The following PLD5 variants were observed in gnomAD, a reference collection of about 807,000 sequenced individuals.
PLD5 encodes the protein inactive phospholipase D5.
A neutral mutation model predicts 61.1 loss-of-function variants in PLD5; 36 were observed. The ratio of observed to expected loss-of-function variants is 0.59; its 90% confidence interval spans 0.45 to 0.78. The LOEUF (loss-of-function observed/expected upper bound fraction) is 0.78. Among genes scored for constraint, PLD5 ranks in the 30% least tolerant of loss-of-function variants. PLD5 has a pLI of 0.00. For synonymous variants in PLD5, 243 were observed against 242.8 expected (o/e 1.00, Z -0.01); for missense variants, 515 against 644.4 (o/e 0.80, Z 2.17).
At chr1:242,346,823 C>T (rs1256671857) in intron 2 of PLD5, among the ~76,000 whole-genome samples, 1 of 152,172 alleles carries the variant, frequency 6.6e-6, no homozygotes, top group Non-Finnish European at 1.5e-5. Flanking sequence ...GACTCTCCAA[C>T]AGGCCCTAGG....
intron 9 of PLD5, among the ~76,000 whole-genome samples, chr1:242,097,583 T>A (rs1431640044): frequency 6.6e-6 from 1 of 152,228 alleles, no homozygotes; most frequent in Non-Finnish European, 1.5e-5. Context: ...CTTTGCCCAC[T>A]TGTTGATGGG....
chr1:242,395,566 A>G (rs989488864), intron 1 of PLD5, among the ~76,000 whole-genome samples: 1 of 152,222 alleles, frequency 6.6e-6, no homozygotes, highest in South Asian at 2.1e-4. Context: ...TGTACTAACT[A>G]TTGGAGATAT....
intron 5 of PLD5, among the ~76,000 whole-genome samples, chr1:242,184,005 G>A (rs1667710341): frequency 6.6e-6 from 1 of 152,194 alleles, no homozygotes; most frequent in Non-Finnish European, 1.5e-5. Flanking sequence ...CTTTGTAGCT[G>A]TTTGAAAAAA....
chr1:242,350,292 T>G (rs1660400497), intron 1 of PLD5, among the ~76,000 whole-genome samples: 1 of 152,102 alleles, frequency 6.6e-6, no homozygotes, highest in Non-Finnish European at 1.5e-5. Context: ...TTAGATAAAT[T>G]CTGGATGGAG....
At chr1:242,418,907 C>A (rs192610364) in intron 1 of PLD5, among the ~76,000 whole-genome samples, 237 of 152,286 alleles carry the variant, frequency 1.6e-3, no homozygotes, top group African/African-American at 5.3e-3. Context: ...GAATAGTAAT[C>A]TCCAAATAAA....
intron 5 of PLD5, among the ~76,000 whole-genome samples, chr1:242,165,022 A>G (rs1666197319): frequency 6.6e-6 from 1 of 152,128 alleles, no homozygotes; most frequent in Non-Finnish European, 1.5e-5. Context: ...GCTTTTCCCT[A>G]AGGTGGAATA....
intron 1 of PLD5, among the ~76,000 whole-genome samples, chr1:242,463,332 C>T (rs150300841): frequency 1.3e-5 from 2 of 152,350 alleles, no homozygotes; most frequent in East Asian, 1.9e-4. Flanking sequence ...GTCATCCAGC[C>T]TTCAATGCCT....
rs527306541 is a variant in PLD5, at chr1:242,123,269, A to C, written c.933+1199T>G. Reference sequence around the variant, plus strand: ...GTTGCTATGGCTTATTTCTGGTCCCAAAAACAGCATCAAACTTCTAAAGAC... The same window carrying C: ...GTTGCTATGGCTTATTTCTGGTCCCCAAAACAGCATCAAACTTCTAAAGAC... On this transcript the variant is annotated intron_variant, in intron 6 of 9. Coordinates refer to ENST00000536534, the MANE Select transcript of PLD5 (RefSeq NM_001372062.1). Among the ~76,000 whole-genome samples the C allele has an allele frequency of 3.3e-5, 5 of 152,322 alleles. No homozygotes were observed. The East Asian group carries it at 9.6e-4, about 29-fold the overall frequency.
At chr1:242,169,039 C>T (rs1168081467) in intron 5 of PLD5, among the ~76,000 whole-genome samples, 1 of 151,754 alleles carries the variant, frequency 6.6e-6, no homozygotes, top group Non-Finnish European at 1.5e-5. Context: ...TTAATTCCCC[C>T]ATAAACAATG....
At chr1:242,387,867 C>T (rs1050854234) in intron 1 of PLD5, among the ~76,000 whole-genome samples, 3 of 151,964 alleles carry the variant, frequency 2.0e-5, no homozygotes, top group Non-Finnish European at 2.9e-5. Context: ...GAAAACTAAG[C>T]ATTAAGACTG....
chr1:242,491,096 C>A (rs1424482146), intron 1 of PLD5, among the ~76,000 whole-genome samples: 2 of 152,156 alleles, frequency 1.3e-5, no homozygotes, highest in African/African-American at 4.8e-5. Context: ...ATTTCTAATT[C>A]CCACTGCTAA....
chr1:242,276,292 G>A lies in PLD5; in HGVS notation c.496-10844C>T, dbSNP rs1322574503. On this transcript the variant is annotated intron_variant, in intron 3 of 9. Transcript: ENST00000536534. ...TAAAGCTGAAGGTGAGCTTATGATT[G>A]TGCCACTGCTGCCCAGCCTGGGCAA... Among the ~76,000 whole-genome samples, 12 of 151,152 alleles carry A rather than the reference G, an allele frequency of 7.9e-5. No individual in the cohort carries two copies. The Admixed American group carries it at 7.9e-4, about 10-fold the overall frequency.
rs1297166716 is a variant in PLD5, at chr1:242,194,598, C to CTATG, written c.735+25389_735+25390insCATA. ...TCTATCTATCTATCTATCTATCTAT[C>CTATG]TATCTATGTATCTATCTATGTATCT... is the stretch of plus-strand genomic sequence containing the variant. On this transcript the variant is annotated intron_variant, in intron 5 of 9. Transcript: ENST00000536534. Among the ~76,000 whole-genome samples, 660 of 77,594 alleles carry CTATG rather than the reference C, an allele frequency of 8.5e-3. 2 individuals are homozygous for CTATG. The highest frequency in any genetic ancestry group is 0.015 in the Admixed American group (80 of 5,214). 50.9% of individuals were successfully genotyped at this position (77,594 alleles called of 152,430 possible).
chr1:242,366,724 AGT>A (rs2149242468), intron 1 of PLD5, among the ~76,000 whole-genome samples: 1 of 152,256 alleles, frequency 6.6e-6, no homozygotes, highest in African/African-American at 2.4e-5. Context: ...TTCTCCCTTT[AGT>A]CTCTTTCACT....
intron 1 of PLD5, among the ~76,000 whole-genome samples, chr1:242,520,766 C>G (rs1669255465): frequency 6.6e-6 from 1 of 152,202 alleles, no homozygotes; most frequent in African/African-American, 2.4e-5. Flanking sequence ...GGGATAGTCA[C>G]ATCTTATTAA....
At chr1:242,521,201 A>C (rs1669269028) in intron 1 of PLD5, among the ~76,000 whole-genome samples, 1 of 152,176 alleles carries the variant, frequency 6.6e-6, no homozygotes, top group East Asian at 1.9e-4. Flanking sequence ...TTTCTTAGTA[A>C]GTGTTCATCT....
chr1:242,149,393 T>C (rs1664763885), intron 5 of PLD5, among the ~76,000 whole-genome samples: 1 of 151,850 alleles, frequency 6.6e-6, no homozygotes, highest in African/African-American at 2.4e-5. Flanking sequence ...TAGTATGTTA[T>C]TGAGAACTTC....
At position 242,105,864 on chromosome 1, in the gene PLD5, G is replaced by A. The variant is rs566527485; in HGVS notation, c.1239+1807C>T. 1.8e-4 allele frequency among the ~76,000 whole-genome samples: 27 copies of A among 152,260 alleles called. No individual in the cohort carries two copies. In the South Asian group the frequency reaches 3.7e-3, roughly 21 times the overall value. ...CTAGAAAGCATAATTCATCAAGTTA[G>A]GGAATTATGTACAACAAGAAACTCT... On this transcript the variant is annotated intron_variant, in intron 8 of 9. Coordinates refer to ENST00000536534, the MANE Select transcript of PLD5 (RefSeq NM_001372062.1).
rs201221980 is a variant in PLD5, at chr1:242,194,566, A to ATATCTATCTATCTATCTATCTATC, written c.735+25398_735+25421dup. Among the ~76,000 whole-genome samples, 106 of 124,002 alleles carry ATATCTATCTATCTATCTATCTATC rather than the reference A, an allele frequency of 8.5e-4. 1 individual carries two copies. The highest frequency in any genetic ancestry group is 1.6e-3 in the South Asian group (6 of 3,640). The allele number at this position is 124,002 out of a possible 152,430, so 81.4% of individuals were successfully genotyped here. Reference sequence around the variant, plus strand: ...AGTGGATAAACTGTGAGCTATCTCTATATCTATCTATCTATCTATCTATCT... The same window carrying ATATCTATCTATCTATCTATCTATC: ...AGTGGATAAACTGTGAGCTATCTCTATATCTATCTATCTATCTATCTATCTATCTATCTATCTATCTATCTATCT... On this transcript the variant is annotated intron_variant, in intron 5 of 9. Transcript: ENST00000536534.
Sources: gnomAD v4.1 joint callset for allele counts (sites outside exome capture counted in the v4.1 genomes callset) on GRCh38, gnomAD v4.1.1 for gene constraint, MANE v1.5 for transcripts, NCBI Gene and HGNC (gene_info 2026-07-23, HGNC 2026-07-21) for gene names.